DST: variants seen among roughly 807,000 people sequenced by gnomAD.
The protein encoded by DST is dystonin.
A neutral mutation model predicts 875.2 loss-of-function variants in DST; 253 were observed. The observed-to-expected ratio is 0.29, with a 90% CI of 0.26 to 0.32. The LOEUF (loss-of-function observed/expected upper bound fraction) is 0.32. Ranked by LOEUF, DST falls within the 10% of genes least tolerant of loss-of-function variation. The probability of loss-of-function intolerance (pLI) is 1.00; values close to 1 mark genes in which losing one functional copy is unlikely to be tolerated. For missense variants in DST, 8,287 were observed against 9,111.6 expected, an observed-to-expected ratio of 0.91 and a Z score of 3.68; for synonymous variants, 3,124 against 3,197.1, an observed-to-expected ratio of 0.98 and a Z score of 0.77.
chr6:56,702,751 A>G (rs2099315283), intron 7 of DST, among the ~76,000 whole-genome samples: 1 of 152,224 alleles, frequency 6.6e-6, no homozygotes, highest in Non-Finnish European at 1.5e-5. Flanking sequence ...AGAGCTGAGA[A>G]ATGCTTAGCA....
rs1169213487 is a variant in DST, at chr6:56,895,055, C to T, written c.417+5366G>A. ...GTTGACCCCCCACCTCCCTCCTGGACGGGGCGACTGGCCGGGCAGAGGGGC... is the reference window on the plus strand; with the variant it reads ...GTTGACCCCCCACCTCCCTCCTGGATGGGGCGACTGGCCGGGCAGAGGGGC... On this transcript the variant is annotated intron_variant, in intron 3 of 103. Transcript: ENST00000680361. Among the ~76,000 whole-genome samples the T allele has an allele frequency of 1.4e-4, 15 of 108,832 alleles. 4 individuals are homozygous for T. Among genetic ancestry groups the T allele is most frequent in the South Asian group, 7.4e-4 (3 of 4,078 alleles). 71.4% of individuals were successfully genotyped at this position (108,832 alleles called of 152,430 possible). A position where few individuals can be genotyped will look rare whatever the true frequency, so the allele number is the denominator to read the frequency against.
At chr6:56,780,703 T>C (rs2099691632) in intron 4 of DST, among the ~76,000 whole-genome samples, 1 of 151,096 alleles carries the variant, frequency 6.6e-6, no homozygotes, top group Admixed American at 6.6e-5. Flanking sequence ...GGTAGTTTCT[T>C]TTGCTGTGCA....
chr6:56,747,553 T>C (rs1023558820), intron 4 of DST, among the ~76,000 whole-genome samples: 17 of 152,222 alleles, frequency 1.1e-4, no homozygotes, highest in African/African-American at 3.9e-4. Context: ...TGCTATAACA[T>C]TTAAGTATTA....
chr6:56,744,077 A>G (rs899635823), intron 4 of DST, among the ~76,000 whole-genome samples: 3 of 151,634 alleles, frequency 2.0e-5, no homozygotes, highest in African/African-American at 7.3e-5. Context: ...TGAGCCCAGA[A>G]GGCGGAGTTT....
At position 56,470,302 on chromosome 6, in the gene DST, G is replaced by A. The variant is rs1448374052; in HGVS notation, c.22322-20C>T. The A allele has an allele frequency of 1.9e-6, 3 of 1,570,832 alleles. No individual in the cohort carries two copies. Among genetic ancestry groups the A allele is most frequent in the Non-Finnish European group, 2.6e-6 (3 of 1,154,914 alleles). ...GAAACTCTAAAATTTTGAAAACAAT[G>A]GTAAGTAGTGACTTGTTAGTTCTTT... is the stretch of plus-strand genomic sequence containing the variant. On this transcript the variant is annotated intron_variant, in intron 95 of 103. Coordinates refer to ENST00000680361, the MANE Select transcript of DST (RefSeq NM_001374736.1).
chr6:56,629,888 CTT>C, intron 31 of DST, among the ~76,000 whole-genome samples: 1 of 152,172 alleles, frequency 6.6e-6, no homozygotes. Context: ...AACTACAAGT[CTT>C]TTTCCTTTCT....
At chr6:56,799,779 G>A (rs1360384515) in intron 4 of DST, among the ~76,000 whole-genome samples, 2 of 151,896 alleles carry the variant, frequency 1.3e-5, no homozygotes, top group East Asian at 3.9e-4. Flanking sequence ...GCACCACCAT[G>A]CCCAGCTAAT....
chr6:56,494,011 T>G lies in DST; in HGVS notation c.20393A>C (p.Lys6798Thr). ...ESVETKLNERKTKLEEALNLA... is the reference protein window; with the variant it reads ...ESVETKLNERTTKLEEALNLA... ...TATTATATTAATCAAAGCACATACT[T>G]TCCTTTCATTGAGTTTGGTTTCCAC... Residue 6798 changes from lysine (K) to threonine (T), a missense_variant and splice_region_variant, in exon 83 of 104, where the codon AAA (lysine) becomes ACA (threonine). Transcript: ENST00000680361. 2 of 1,584,218 alleles carry G rather than the reference T, an allele frequency of 1.3e-6. No individual in the cohort carries two copies. The highest frequency in any genetic ancestry group is 1.7e-6 in the Non-Finnish European group (2 of 1,163,424).
intron 35 of DST, 31 bp downstream of exon 35, chr6:56,625,126 C>G: frequency 7.0e-7 from 1 of 1,422,134 alleles, no homozygotes; most frequent in Non-Finnish European, 9.9e-7. Context: ...CTTTTATGCC[C>G]CTTCCCCTCT....
chr6:56,596,096 T>C (rs952383620), intron 47 of DST, among the ~76,000 whole-genome samples: 2 of 152,134 alleles, frequency 1.3e-5, no homozygotes, highest in Non-Finnish European at 2.9e-5. Context: ...TGGCACAATC[T>C]TGGCTCATTG....
chr6:56,778,887 G>C (rs1370515571), intron 4 of DST, among the ~76,000 whole-genome samples: 1 of 152,018 alleles, frequency 6.6e-6, no homozygotes, highest in South Asian at 2.1e-4. Context: ...ATAATCCTTT[G>C]GGTATATACC....
rs2097424091 is a variant in DST, at chr6:56,556,642, C to A, written c.14640+677G>T. On this transcript the variant is annotated intron_variant, in intron 59 of 103. Transcript: ENST00000680361. ...TTCAGCTTATAAAACAGCCTCCCTG[C>A]TCTAAAGCCAGTACTCAGACATTAA... 2.0e-5 allele frequency among the ~76,000 whole-genome samples: 3 copies of A among 152,314 alleles called. No homozygotes were observed. The South Asian group carries it at 6.2e-4, about 32-fold the overall frequency.
chr6:56,526,311 G>T, intron 69 of DST, 50 bp downstream of exon 69: 1 of 1,577,748 alleles, frequency 6.3e-7, no homozygotes, highest in South Asian at 1.1e-5. Flanking sequence ...AAAGCTCCAA[G>T]AACAGCTGGA....
intron 96 of DST, 38 bp from the exon 97 acceptor site, chr6:56,469,995 A>G (rs1247649586): frequency 6.2e-7 from 1 of 1,608,188 alleles, no homozygotes; most frequent in Admixed American, 1.7e-5. Context: ...CTTTAATGTC[A>G]ATATTACATA....
chr6:56,508,197 C>T (rs1462739859), intron 75 of DST, among the ~76,000 whole-genome samples: 1 of 152,008 alleles, frequency 6.6e-6, no homozygotes, highest in Admixed American at 6.6e-5. Context: ...CCACGCTTAA[C>T]TAATTTTTGT....
chr6:56,634,623 T>A lies in DST; in HGVS notation c.3340-7A>T. 1 of 1,614,084 alleles carries A rather than the reference T, an allele frequency of 6.2e-7. No individual in the cohort carries two copies. The highest frequency in any genetic ancestry group is 8.5e-7 in the Non-Finnish European group (1 of 1,179,952). On this transcript the variant is annotated splice_region_variant and splice_polypyrimidine_tract_variant and intron_variant, in intron 25 of 103. Coordinates refer to ENST00000680361, the MANE Select transcript of DST (RefSeq NM_001374736.1). The stretch of plus-strand genomic sequence containing the variant: ...CGTCTTTGTAAATGGTTATCTGGTT[T>A]AAAATAAAGAGCAGAATAACTCAAT...
At chr6:56,485,277 A>G in intron 88 of DST, 35 bp downstream of exon 88, 1 of 1,611,154 alleles carries the variant, frequency 6.2e-7, no homozygotes. Context: ...AGAATAATCA[A>G]ACAAGATAAA....
intron 4 of DST, among the ~76,000 whole-genome samples, chr6:56,818,346 T>G (rs1024209086): frequency 7.9e-5 from 12 of 152,204 alleles, no homozygotes; most frequent in Non-Finnish European, 1.3e-4. Flanking sequence ...GAAAGGTTTC[T>G]GCCTCCTGGA....
At chr6:56,897,924 C>T (rs1792234291) in intron 3 of DST, among the ~76,000 whole-genome samples, 1 of 152,164 alleles carries the variant, frequency 6.6e-6, no homozygotes, top group South Asian at 2.1e-4. Context: ...TCCAGCTCTT[C>T]CTACCAGGAT....
Sources: gnomAD v4.1 joint callset for allele counts (sites outside exome capture counted in the v4.1 genomes callset) on GRCh38, gnomAD v4.1.1 for gene constraint, MANE v1.5 for transcripts, NCBI Gene and HGNC (gene_info 2026-07-23, HGNC 2026-07-21) for gene names.